CDK14: variants seen among roughly 807,000 people sequenced by gnomAD.
The protein encoded by CDK14 is cyclin dependent kinase 14, also known as cyclin-dependent kinase 14.
A neutral mutation model predicts 60.7 loss-of-function variants in CDK14; 34 were observed. The ratio of observed to expected loss-of-function variants is 0.56; its 90% CI spans 0.43 to 0.75. The LOEUF is 0.75. Ranked by LOEUF, CDK14 falls within the 30% of genes least tolerant of loss-of-function variation. CDK14 has a pLI of 0.00. For missense variants in CDK14, 482 were observed against 564.1 expected (o/e 0.85, Z 1.47); for synonymous variants, 197 against 203.7 (o/e 0.97, Z 0.28).
chr7:90,901,684 A>ATG (rs1792510329), intron 7 of CDK14, among the ~76,000 whole-genome samples: 1 of 148,678 alleles, frequency 6.7e-6, no homozygotes, highest in African/African-American at 2.5e-5. Flanking sequence ...GTATATATAT[A>ATG]TATATACACA....
At chr7:90,971,104 G>T (rs562480079) in intron 9 of CDK14, among the ~76,000 whole-genome samples, 2 of 149,644 alleles carry the variant, frequency 1.3e-5, no homozygotes, top group East Asian at 3.9e-4. Context: ...CCCGGTGTGT[G>T]TCCATGTGTT....
At chr7:91,023,069 A>AT (rs1796477538) in intron 10 of CDK14, among the ~76,000 whole-genome samples, 4 of 151,494 alleles carry the variant, frequency 2.6e-5, no homozygotes, top group African/African-American at 9.7e-5. Context: ...ACTAACAACT[A>AT]TTTTTTTGTT....
intron 10 of CDK14, among the ~76,000 whole-genome samples, chr7:91,000,997 T>A (rs927852590): frequency 2.6e-5 from 4 of 152,224 alleles, no homozygotes; most frequent in Non-Finnish European, 5.9e-5. Context: ...AAATAGCAAC[T>A]ACAGATCAGC....
intron 5 of CDK14, among the ~76,000 whole-genome samples, chr7:90,819,176 A>G (rs1383988893): frequency 1.3e-5 from 2 of 152,162 alleles, no homozygotes; most frequent in South Asian, 4.1e-4. Flanking sequence ...TATTTCAGAG[A>G]TGAAGTATAA....
intron 8 of CDK14, among the ~76,000 whole-genome samples, chr7:90,938,533 C>A (rs1330304267): frequency 6.6e-6 from 1 of 152,066 alleles, no homozygotes; most frequent in Non-Finnish European, 1.5e-5. Context: ...TCACATATTG[C>A]CAACAAATGA....
At chr7:90,651,320 A>G (rs1800634660) in intron 2 of CDK14, among the ~76,000 whole-genome samples, 1 of 152,164 alleles carries the variant, frequency 6.6e-6, no homozygotes, top group African/African-American at 2.4e-5. Flanking sequence ...CTAAGTGGCA[A>G]TTACACTGTG....
chr7:90,665,774 T>G (rs1284132689), intron 2 of CDK14, among the ~76,000 whole-genome samples: 1 of 152,022 alleles, frequency 6.6e-6, no homozygotes, highest in African/African-American at 2.4e-5. Flanking sequence ...GTTAGAGGAG[T>G]AGTAGTATTC....
chr7:90,726,819 GCA>G lies in CDK14; in HGVS notation c.369+8_369+9del. The stretch of plus-strand genomic sequence containing the variant: ...GCACTCCAGCCCCAGCTCGGTAAGT[GCA>G]GTCTTTTTGTTTATCACTGGGTAAA... On this transcript the variant is annotated splice_region_variant and intron_variant, in intron 3 of 14. Coordinates refer to ENST00000380050, the MANE Select transcript of CDK14 (RefSeq NM_001287135.2). 6.2e-7 allele frequency: 1 copy of G among 1,612,954 alleles called. No individual in the cohort carries two copies. Among genetic ancestry groups the G allele is most frequent in the African/African-American group, 1.3e-5 (1 of 74,954 alleles).
intron 6 of CDK14, among the ~76,000 whole-genome samples, chr7:90,882,579 T>C (rs1747566985): frequency 6.6e-6 from 1 of 152,130 alleles, no homozygotes. Context: ...TGAACTTAGC[T>C]CTGGATCAAG....
At chr7:90,899,436 A>G (rs754083023) in intron 7 of CDK14, 83 bp downstream of exon 7, 6 of 1,057,294 alleles carry the variant, frequency 5.7e-6, no homozygotes, top group Non-Finnish European at 7.9e-6. Flanking sequence ...CTACCATAAC[A>G]TATTTAAATT....
chr7:91,164,320 A>G (rs2115760537), intron 14 of CDK14, among the ~76,000 whole-genome samples: 1 of 152,358 alleles, frequency 6.6e-6, no homozygotes, highest in South Asian at 2.1e-4. Context: ...ATATTTATAT[A>G]GTGCCTATAT....
At chr7:91,123,672 C>T (rs895961324) in intron 14 of CDK14, among the ~76,000 whole-genome samples, 6 of 151,866 alleles carry the variant, frequency 4.0e-5, no homozygotes, top group African/African-American at 7.3e-5. Context: ...ATCCTTTAAA[C>T]GCTAATGCAA....
intron 14 of CDK14, among the ~76,000 whole-genome samples, chr7:91,156,573 G>A (rs1800990314): frequency 1.3e-5 from 2 of 152,132 alleles, no homozygotes; most frequent in African/African-American, 4.8e-5. Context: ...CAGCCGCAGA[G>A]CAGAAGCAAT....
chr7:91,019,076 A>C (rs1796374365), intron 10 of CDK14, among the ~76,000 whole-genome samples: 1 of 152,138 alleles, frequency 6.6e-6, no homozygotes, highest in Non-Finnish European at 1.5e-5. Flanking sequence ...ACTTATTAGG[A>C]TCATTGTGAT....
chr7:91,056,676 G>A (rs1000298268), intron 11 of CDK14, among the ~76,000 whole-genome samples: 10 of 149,962 alleles, frequency 6.7e-5, no homozygotes, highest in Non-Finnish European at 1.3e-4. Flanking sequence ...TTTTGTCTTT[G>A]CGATAGTTTG....
intron 6 of CDK14, among the ~76,000 whole-genome samples, chr7:90,896,909 A>C (rs553488347): frequency 6.6e-6 from 1 of 152,248 alleles, no homozygotes; most frequent in African/African-American, 2.4e-5. Context: ...ATACATTGTC[A>C]GTTTTTGTGA....
intron 14 of CDK14, among the ~76,000 whole-genome samples, chr7:91,137,969 A>G (rs1800337735): frequency 6.6e-6 from 1 of 152,210 alleles, no homozygotes; most frequent in African/African-American, 2.4e-5. Flanking sequence ...GTGGATAATT[A>G]TTGCATGAAC....
intron 4 of CDK14, among the ~76,000 whole-genome samples, chr7:90,769,264 C>A (rs1288895623): frequency 6.6e-6 from 1 of 152,110 alleles, no homozygotes; most frequent in African/African-American, 2.4e-5. Context: ...GTATTCATTG[C>A]TCATTTTGGG....
At chr7:90,753,438 C>T (rs1353881374) in intron 4 of CDK14, among the ~76,000 whole-genome samples, 2 of 152,106 alleles carry the variant, frequency 1.3e-5, no homozygotes, top group African/African-American at 4.8e-5. Context: ...ATCCAACATC[C>T]CTTCATGATA....
Sources: gnomAD v4.1 joint callset for allele counts (sites outside exome capture counted in the v4.1 genomes callset) on GRCh38, gnomAD v4.1.1 for gene constraint, MANE v1.5 for transcripts, NCBI Gene and HGNC (gene_info 2026-07-23, HGNC 2026-07-21) for gene names.